Variants in MED27 observed in about 807,000 individuals in gnomAD.
MED27 encodes the protein mediator of RNA polymerase II transcription subunit 27.
A neutral mutation model predicts 38.2 loss-of-function variants in MED27; 30 were observed. That is an observed-to-expected ratio of 0.79 (90% CI 0.59 to 1.07). MED27 has a LOEUF of 1.07. Ranked by LOEUF, MED27 falls within the 50% of genes least tolerant of loss-of-function variation. MED27 has a pLI of 0.00. For synonymous variants in MED27, 122 were observed against 153.5 expected (o/e 0.79, Z 1.52); for missense variants, 289 against 397.5 (o/e 0.73, Z 2.32).
intron 3 of MED27, among the ~76,000 whole-genome samples, chr9:132,006,871 T>C (rs1832369274): frequency 6.6e-6 from 1 of 152,156 alleles, no homozygotes; most frequent in African/African-American, 2.4e-5. Flanking sequence ...TGATTCCCAC[T>C]GGTTTTACAT....
At chr9:132,057,738 AG>A (rs560862228) in intron 2 of MED27, among the ~76,000 whole-genome samples, 177 of 152,320 alleles carry the variant, frequency 1.2e-3, no homozygotes, top group African/African-American at 4.2e-3. Context: ...GAAAGTGAAA[AG>A]ACCTCCTGAG....
chr9:132,073,981 A>G (rs1225544884), intron 2 of MED27, among the ~76,000 whole-genome samples: 1 of 152,256 alleles, frequency 6.6e-6, no homozygotes, highest in Non-Finnish European at 1.5e-5. Flanking sequence ...ACAGGATGCC[A>G]GAAACCTTCA....
intron 3 of MED27, among the ~76,000 whole-genome samples, chr9:131,940,685 G>A (rs1203852409): frequency 6.6e-6 from 1 of 152,168 alleles, no homozygotes; most frequent in Admixed American, 6.5e-5. Flanking sequence ...CAAAATGCCG[G>A]GATTACAGGC....
intron 6 of MED27, among the ~76,000 whole-genome samples, chr9:131,881,675 C>T (rs1323539844): frequency 6.6e-6 from 1 of 152,064 alleles, no homozygotes; most frequent in East Asian, 1.9e-4. Flanking sequence ...ACATTTGTCA[C>T]AACAAAGAAA....
intron 4 of MED27, among the ~76,000 whole-genome samples, chr9:131,906,833 A>G (rs1265019596): frequency 6.6e-6 from 1 of 152,206 alleles, no homozygotes; most frequent in Non-Finnish European, 1.5e-5. Flanking sequence ...CTATACTTAC[A>G]GTTTCTTCTT....
At chr9:132,055,854 T>G (rs1469882619) in intron 2 of MED27, among the ~76,000 whole-genome samples, 3 of 152,232 alleles carry the variant, frequency 2.0e-5, no homozygotes, top group Non-Finnish European at 4.4e-5. Context: ...TGAGTCCTTA[T>G]GATGTGCCAG....
intron 3 of MED27, among the ~76,000 whole-genome samples, chr9:132,005,823 A>C (rs1238019705): frequency 6.6e-6 from 1 of 152,210 alleles, no homozygotes; most frequent in African/African-American, 2.4e-5. Context: ...TCTCAGTCAG[A>C]CAGCTTAAAC....
Position 131,997,517 on chromosome 9 carries a change from G to A in MED27, c.479+16820C>T, listed in dbSNP as rs1405966065. Among the ~76,000 whole-genome samples the A allele has an allele frequency of 1.3e-5, 2 of 152,184 alleles. No individual in the cohort carries two copies. The highest frequency in any genetic ancestry group is 2.1e-4 in the South Asian group (1 of 4,832). On this transcript the variant is annotated intron_variant, in intron 3 of 7. Coordinates refer to ENST00000292035, the MANE Select transcript of MED27 (RefSeq NM_004269.4). This position sits in a 1 kb window ranked among gnomAD's most constrained non-coding sequence, Gnocchi z 4.0. ...GCTGCAGAGATCCCCTGGGTTGACC[G>A]AGGCGTTGCCAGCCCTGCACTGTAG...
intron 4 of MED27, among the ~76,000 whole-genome samples, chr9:131,924,965 T>G (rs1200542691): frequency 6.6e-6 from 1 of 152,218 alleles, no homozygotes; most frequent in Non-Finnish European, 1.5e-5. Flanking sequence ...CTAGGTGATA[T>G]TTTCTTTGCT....
chr9:131,888,653 T>C (rs541389459), intron 5 of MED27, among the ~76,000 whole-genome samples: 20 of 152,212 alleles, frequency 1.3e-4, no homozygotes, highest in Non-Finnish European at 2.6e-4. Context: ...GGTTCCAACT[T>C]TTAGAACCTC....
chr9:131,939,575 C>T, intron 3 of MED27, 101 bp from the exon 4 acceptor site: 1 of 630,272 alleles, frequency 1.6e-6, no homozygotes, highest in Middle Eastern at 2.7e-4. Flanking sequence ...AATTTTAAAT[C>T]AATATAACAC....
intron 3 of MED27, among the ~76,000 whole-genome samples, chr9:131,991,559 T>A (rs958466835): frequency 3.3e-5 from 5 of 152,230 alleles, no homozygotes; most frequent in African/African-American, 4.8e-5. Flanking sequence ...TTTCCTGTTT[T>A]AAGGCACCAC....
chr9:131,967,147 T>C (rs1403356518), intron 3 of MED27, among the ~76,000 whole-genome samples: 1 of 152,282 alleles, frequency 6.6e-6, no homozygotes, highest in Non-Finnish European at 1.5e-5. Flanking sequence ...TACACTGTTC[T>C]TTACTCTGTA....
intron 3 of MED27, among the ~76,000 whole-genome samples, chr9:131,939,900 C>CT (rs545565196): frequency 0.011 from 1,558 of 136,156 alleles, 33 homozygotes; most frequent in African/African-American, 0.03. Context: ...AAATTCCTTC[C>CT]TTTTTTTTTT....
chr9:131,970,706 A>G (rs953376451), intron 3 of MED27, among the ~76,000 whole-genome samples: 2 of 152,246 alleles, frequency 1.3e-5, no homozygotes, highest in African/African-American at 4.8e-5. Flanking sequence ...AACTCAGTAA[A>G]ATGTGAAGGA....
intron 4 of MED27, among the ~76,000 whole-genome samples, chr9:131,937,218 T>C (rs1024842378): frequency 6.6e-6 from 1 of 152,136 alleles, no homozygotes; most frequent in Non-Finnish European, 1.5e-5. Context: ...TAATAGTAAA[T>C]GCCAAATGCA....
intron 3 of MED27, among the ~76,000 whole-genome samples, chr9:131,980,796 G>A (rs1831717355): frequency 6.6e-6 from 1 of 151,664 alleles, no homozygotes; most frequent in Non-Finnish European, 1.5e-5. Context: ...CTTCACTGCT[G>A]CTCCAGAGAG....
intron 3 of MED27, among the ~76,000 whole-genome samples, chr9:132,002,023 C>A (rs1481414724): frequency 6.6e-6 from 1 of 152,196 alleles, no homozygotes; most frequent in Non-Finnish European, 1.5e-5. Context: ...AAAGCTGTGG[C>A]CCTGCATCAG....
intron 3 of MED27, among the ~76,000 whole-genome samples, chr9:131,970,071 C>A (rs1272076753): frequency 3.9e-5 from 6 of 152,180 alleles, no homozygotes; most frequent in Admixed American, 3.3e-4. Context: ...CATAACAGGG[C>A]CCTGCAGCGG....
Sources: gnomAD v4.1 joint callset for allele counts (sites outside exome capture counted in the v4.1 genomes callset) on GRCh38, gnomAD v4.1.1 for gene constraint, Gnocchi (gnomAD v3.1) non-coding constraint, MANE v1.5 for transcripts, NCBI Gene and HGNC (gene_info 2026-07-23, HGNC 2026-07-21) for gene names.